The following EPB41L5 variants were observed in gnomAD, a reference collection of about 807,000 sequenced individuals.
EPB41L5 encodes the protein band 4.1-like protein 5.
EPB41L5 carries 55 observed loss-of-function variants against 106.6 expected under a neutral mutation model. The ratio of observed to expected loss-of-function variants is 0.52; its 90% CI spans 0.42 to 0.65. The LOEUF is 0.65. Among genes scored for constraint, EPB41L5 ranks in the 30% least tolerant of loss-of-function variants. The pLI is 0.00. For synonymous variants in EPB41L5, 297 were observed against 306.7 expected, an observed-to-expected ratio of 0.97 and a Z score of 0.33; for missense variants, 871 against 882.1, an observed-to-expected ratio of 0.99 and a Z score of 0.16.
intron 24 of EPB41L5, among the ~76,000 whole-genome samples, chr2:120,172,009 T>TA (rs753429042): frequency 0.09 from 9,873 of 109,198 alleles, 364 homozygotes; most frequent in African/African-American, 0.1. Context: ...ACAGGAAACT[T>TA]AAAAAAAAAA....
At chr2:120,060,330 T>C (rs1234688583) in intron 3 of EPB41L5, among the ~76,000 whole-genome samples, 1 of 152,226 alleles carries the variant, frequency 6.6e-6, no homozygotes, top group Non-Finnish European at 1.5e-5. Flanking sequence ...TCATAGCATC[T>C]TTATTTGTAG....
intron 3 of EPB41L5, among the ~76,000 whole-genome samples, chr2:120,069,880 G>A (rs982493064): frequency 6.6e-6 from 1 of 152,050 alleles, no homozygotes; most frequent in African/African-American, 2.4e-5. Context: ...ATCTAAAATC[G>A]ACACCCTAAC....
rs540139661 is a variant in EPB41L5, at chr2:120,075,607, G to T, written c.452+87G>T. ...AAAATAAGTTTATAGTTGTAAAAAA[G>T]AAATGGTCAACATAAAACATGTATT... On this transcript the variant is annotated intron_variant, in intron 6 of 24. Transcript: ENST00000263713. The T allele has an allele frequency of 6.3e-6, 9 of 1,418,086 alleles. No homozygotes were observed. The African/African-American group carries it at 8.5e-5, about 13-fold the overall frequency. The allele number at this position is 1,418,086 out of a possible 1,614,324, so 87.8% of individuals were successfully genotyped here. A position where few individuals can be genotyped will look rare whatever the true frequency, so the allele number is the denominator to read the frequency against.
chr2:120,131,510 G>A, intron 17 of EPB41L5, 108 bp from the exon 18 acceptor site: 1 of 677,954 alleles, frequency 1.5e-6, no homozygotes, highest in Non-Finnish European at 2.7e-6. Context: ...ATTACTTTTA[G>A]TTGATGATAA....
chr2:120,054,714 T>C (rs1190847890), intron 3 of EPB41L5, among the ~76,000 whole-genome samples: 1 of 152,076 alleles, frequency 6.6e-6, no homozygotes, highest in East Asian at 1.9e-4. Flanking sequence ...TTCTTTAGCA[T>C]GTGAATATCC....
chr2:120,024,672 G>C (rs528030913), intron 2 of EPB41L5, among the ~76,000 whole-genome samples: 4 of 152,262 alleles, frequency 2.6e-5, no homozygotes, highest in African/African-American at 9.6e-5. Flanking sequence ...TGTTACCCAG[G>C]ATGGTCTCGG....
At chr2:120,094,957 C>A (rs1683646668) in intron 14 of EPB41L5, among the ~76,000 whole-genome samples, 1 of 151,730 alleles carries the variant, frequency 6.6e-6, no homozygotes, top group East Asian at 1.9e-4. Context: ...TTTTTATGGC[C>A]CCTCCATATG....
intron 11 of EPB41L5, among the ~76,000 whole-genome samples, chr2:120,087,569 CCTT>C (rs1558863315): frequency 1.3e-5 from 2 of 152,298 alleles, no homozygotes; most frequent in East Asian, 1.9e-4. Flanking sequence ...GTAACCTTCA[CCTT>C]CTGGGCTCAA....
intron 2 of EPB41L5, among the ~76,000 whole-genome samples, chr2:120,024,697 G>A (rs1678189231): frequency 6.6e-6 from 1 of 152,176 alleles, no homozygotes; most frequent in African/African-American, 2.4e-5. Flanking sequence ...CTGACCTCAT[G>A]ATCCGCCCAC....
chr2:120,110,684 G>A (rs373186885), intron 16 of EPB41L5, among the ~76,000 whole-genome samples: 191 of 149,772 alleles, frequency 1.3e-3, no homozygotes, highest in African/African-American at 4.6e-3. Context: ...GCCGAGGCTG[G>A]AGTGCAATGA....
chr2:120,106,083 A>C (rs923205282), intron 16 of EPB41L5: 1 of 984,982 alleles, frequency 1.0e-6, no homozygotes, highest in African/African-American at 1.7e-5. Flanking sequence ...TTCATATTGA[A>C]AGTGGCCATT....
chr2:120,046,444 A>G (rs1679780167), intron 3 of EPB41L5, among the ~76,000 whole-genome samples: 1 of 151,118 alleles, frequency 6.6e-6, no homozygotes, highest in Non-Finnish European at 1.5e-5. Flanking sequence ...TGTTGGCTGC[A>G]TAAATGTGTT....
chr2:120,127,873 C>T, intron 17 of EPB41L5, 22 bp downstream of exon 17: 2 of 1,547,656 alleles, frequency 1.3e-6, no homozygotes, highest in Non-Finnish European at 1.8e-6. Context: ...TTCCATTATA[C>T]ATCAGTGATA....
chr2:120,113,978 CAT>C, intron 16 of EPB41L5, among the ~76,000 whole-genome samples: 1 of 152,260 alleles, frequency 6.6e-6, no homozygotes, highest in South Asian at 2.1e-4. Context: ...TTTGTATGAA[CAT>C]GTGTTCTCAA....
intron 3 of EPB41L5, among the ~76,000 whole-genome samples, chr2:120,060,537 A>G (rs1558835842): frequency 6.6e-6 from 1 of 152,234 alleles, no homozygotes; most frequent in Non-Finnish European, 1.5e-5. Context: ...ATATGATTCT[A>G]TGTATGTAAC....
In EPB41L5 at chr2:120,019,237, T is replaced by C. The variant is rs776708501; in HGVS notation, c.153T>C (p.Asp51=). Residue 51 remains aspartate, a synonymous_variant, in exon 2 of 25, where the codon GAT becomes GAC. Transcript: ENST00000263713. ...SIITCRVSLL[D]GTDVSVDLPK... is the part of the protein sequence containing the mutation. ...TCACGTGTCGGGTGTCCCTTCTGGA[T>C]GGTACTGATGTTAGTGTGGACTTGC... is the stretch of plus-strand genomic sequence containing the variant. The C allele has an allele frequency of 2.5e-6, 4 of 1,611,768 alleles. No individual in the cohort carries two copies. Among genetic ancestry groups the C allele is most frequent in the Non-Finnish European group, 3.4e-6 (4 of 1,179,542 alleles).
chr2:120,073,248 G>T, intron 4 of EPB41L5, 28 bp downstream of exon 4: 1 of 1,544,708 alleles, frequency 6.5e-7, no homozygotes, highest in South Asian at 1.2e-5. Flanking sequence ...TATTTGTGGG[G>T]GGGAAAGGAA....
chr2:120,145,080 C>T (rs1686339505), intron 19 of EPB41L5, among the ~76,000 whole-genome samples: 1 of 152,188 alleles, frequency 6.6e-6, no homozygotes, highest in Non-Finnish European at 1.5e-5. Context: ...TAAAATTAAA[C>T]ACTGACCATC....
At chr2:120,073,243 G>GT (rs772308283) in intron 4 of EPB41L5, 23 bp downstream of exon 4, 3 of 1,564,838 alleles carry the variant, frequency 1.9e-6, no homozygotes, top group East Asian at 2.3e-5. Flanking sequence ...AAAATTATTT[G>GT]TGGGGGGGAA....
Sources: gnomAD v4.1 joint callset for allele counts (sites outside exome capture counted in the v4.1 genomes callset) on GRCh38, gnomAD v4.1.1 for gene constraint, MANE v1.5 for transcripts, NCBI Gene and HGNC (gene_info 2026-07-23, HGNC 2026-07-21) for gene names.